ADPRM: variants seen among roughly 807,000 people sequenced by gnomAD.
The protein encoded by ADPRM is ADP-ribose/CDP-alcohol diphosphatase, manganese dependent.
In ADPRM, 17 loss-of-function variants were observed where a neutral mutation model predicts 27.2. The ratio of observed to expected loss-of-function variants is 0.63; its 90% CI spans 0.43 to 0.94. The LOEUF is 0.94. Among genes scored for constraint, ADPRM ranks in the 40% least tolerant of loss-of-function variants. The probability of loss-of-function intolerance (pLI) is 0.00; values close to 1 mark genes in which losing one functional copy is unlikely to be tolerated. For synonymous variants in ADPRM, 135 were observed against 145.3 expected (o/e 0.93, Z 0.51); for missense variants, 337 against 412.8 (o/e 0.82, Z 1.59).
chr17:10,708,158 CG>C (rs1317046754), intron 3 of ADPRM, among the ~76,000 whole-genome samples: 2 of 151,982 alleles, frequency 1.3e-5, no homozygotes, highest in African/African-American at 4.8e-5. Flanking sequence ...TGGCCAAGCA[CG>C]GTGACTCACG....
At chr17:10,704,251 G>A (rs1024873905) in intron 1 of ADPRM, among the ~76,000 whole-genome samples, 1 of 152,166 alleles carries the variant, frequency 6.6e-6, no homozygotes, top group African/African-American at 2.4e-5. Context: ...ACTGCTCACA[G>A]AAATGATAAT....
chr17:10,704,883 T>C (rs554252228), intron 1 of ADPRM, 27 bp from the exon 2 acceptor site: 40 of 1,468,230 alleles, frequency 2.7e-5, no homozygotes, highest in Middle Eastern at 1.8e-4. Context: ...GTTTATAATT[T>C]AGTTATCGTC....
chr17:10,706,302 A>C, intron 2 of ADPRM, 136 bp from the exon 3 acceptor site: 1 of 601,408 alleles, frequency 1.7e-6, no homozygotes, highest in Non-Finnish European at 3.0e-6. Context: ...AATGCTTGTG[A>C]TTTCCTATTT....
rs933258992 is a variant in ADPRM at position 10,697,624 on chromosome 17, A to C, written c.-61A>C. 3.8e-6 allele frequency: 5 copies of C among 1,311,416 alleles called. No homozygotes were observed. Among genetic ancestry groups the C allele is most frequent in the South Asian group, 1.2e-5 (1 of 80,372 alleles). The allele number at this position is 1,311,416 out of a possible 1,614,324, so 81.2% of individuals were successfully genotyped here. On this transcript the variant is annotated 5_prime_UTR_variant, in exon 1 of 4. Coordinates refer to ENST00000379774, the MANE Select transcript of ADPRM (RefSeq NM_020233.5). ...TCCCGCTCGTTGGTGGCGCTGTTAC[A>C]TAGCCCGTAGTCAGAGGCCTTTCAG...
At chr17:10,709,636 T>C (rs2074838098) in intron 3 of ADPRM, among the ~76,000 whole-genome samples, 1 of 151,668 alleles carries the variant, frequency 6.6e-6, no homozygotes, top group Non-Finnish European at 1.5e-5. Flanking sequence ...ACTTGATAGA[T>C]GAGTCAATAT....
At chr17:10,700,766 G>GAAA (rs571890298) in intron 1 of ADPRM, among the ~76,000 whole-genome samples, 1 of 112,298 alleles carries the variant, frequency 8.9e-6, no homozygotes, top group Non-Finnish European at 1.9e-5. Context: ...CCTGTCTCAG[G>GAAA]AAAAAAAAAA....
At position 10,706,493 on chromosome 17, in the gene ADPRM, A is replaced by T. The variant is rs753624827; in HGVS notation, c.657A>T (p.Leu219=). ...QFNGGFSQEQ[L]NWLNEVLTFS... Reference sequence around the variant, plus strand: ...ATGGAGGATTCAGCCAAGAACAGCTAAACTGGTTGAATGAAGTGCTAACAT... The same window carrying T: ...ATGGAGGATTCAGCCAAGAACAGCTTAACTGGTTGAATGAAGTGCTAACAT... Residue 219 remains leucine, a synonymous_variant, in exon 3 of 4, where the codon CTA becomes CTT. Transcript: ENST00000379774. 2 of 1,600,582 alleles carry T rather than the reference A, an allele frequency of 1.2e-6. No individual in the cohort carries two copies. The highest frequency in any genetic ancestry group is 1.7e-6 in the Non-Finnish European group (2 of 1,175,724).
chr17:10,701,416 C>T (rs982576060), intron 1 of ADPRM, among the ~76,000 whole-genome samples: 8 of 151,962 alleles, frequency 5.3e-5, no homozygotes, highest in South Asian at 2.1e-4. Context: ...CTGCAAGCTC[C>T]GCCTCCCAGG....
intron 1 of ADPRM, 162 bp downstream of exon 1, chr17:10,697,829 C>T (rs2074745281): frequency 2.7e-6 from 1 of 374,450 alleles, no homozygotes. Context: ...CCGCTTTGGT[C>T]GTGGGCTTCG....
Position 10,702,361 on chromosome 17 carries a change from G to A in ADPRM, c.-17-2549G>A, listed in dbSNP as rs765360049. ...TTTCTAAACTGAACTTGTTCCAGTG[G>A]AAGGTGTATTTGAGAGGATTTTGGT... On this transcript the variant is annotated intron_variant, in intron 1 of 3. Transcript: ENST00000379774. This position sits in a 1 kb window ranked among gnomAD's most constrained non-coding sequence, Gnocchi z 4.2. Among the ~76,000 whole-genome samples, 35 of 152,298 alleles carry A rather than the reference G, an allele frequency of 2.3e-4. No individual in the cohort carries two copies. The highest frequency in any genetic ancestry group is 6.2e-4 in the South Asian group (3 of 4,824).
At chr17:10,701,242 C>T (rs1369112563) in intron 1 of ADPRM, among the ~76,000 whole-genome samples, 2 of 152,066 alleles carry the variant, frequency 1.3e-5, no homozygotes, top group Admixed American at 6.5e-5. Context: ...CCTTTCTATT[C>T]AAAAGCGAAA....
chr17:10,709,835 G>A (rs1460073907), intron 3 of ADPRM, among the ~76,000 whole-genome samples: 39 of 152,222 alleles, frequency 2.6e-4, no homozygotes, highest in Admixed American at 2.6e-3. Context: ...TGCAACGTGA[G>A]CTGTACTTCA....
chr17:10,705,002 G>T lies in ADPRM; in HGVS notation c.76G>T (p.Val26Phe), dbSNP rs766150924. 6.2e-7 allele frequency: 1 copy of T among 1,614,178 alleles called. No homozygotes were observed. The highest frequency in any genetic ancestry group is 1.3e-5 in the African/African-American group (1 of 75,046). The change falls in exon 2 of 4, where the codon GTT (valine) becomes TTT (phenylalanine). Residue 26 changes from valine (V) to phenylalanine (F), a missense_variant. By Grantham distance (50) the Val-to-Phe change is conservative. Coordinates refer to ENST00000379774, the MANE Select transcript of ADPRM (RefSeq NM_020233.5). This position sits in a 1 kb window ranked among gnomAD's most constrained non-coding sequence, Gnocchi z 5.4. The part of the protein sequence containing the change: ...RLFSFGVIAD[V>F]QFADLEDGFN... The stretch of plus-strand genomic sequence containing the variant: ...TTTCTCCTTTGGCGTCATCGCAGAT[G>T]TTCAATTTGCAGACTTAGAAGATGG...
chr17:10,701,580 T>C lies in ADPRM; in HGVS notation c.-17-3330T>C, dbSNP rs1034250546. 7.4e-4 allele frequency among the ~76,000 whole-genome samples: 113 copies of C among 152,216 alleles called. 1 individual carries two copies. The East Asian group carries it at 0.014, about 19-fold the overall frequency. On this transcript the variant is annotated intron_variant, in intron 1 of 3. Transcript: ENST00000379774. The stretch of plus-strand genomic sequence containing the variant: ...TCCTGACCTCGTGATCCGCCCACCT[T>C]GGCCTCCCAAAGTGCTGGGATTACA...
Position 10,702,302 on chromosome 17 carries a change from TA to T in ADPRM, c.-17-2603del, listed in dbSNP as rs1171959701. Among the ~76,000 whole-genome samples, 1 of 152,232 alleles carries T rather than the reference TA, an allele frequency of 6.6e-6. No individual in the cohort carries two copies. Among genetic ancestry groups the T allele is most frequent in the African/African-American group, 2.4e-5 (1 of 41,466 alleles). On this transcript the variant is annotated intron_variant, in intron 1 of 3. Transcript: ENST00000379774. This position sits in a 1 kb window ranked among gnomAD's most constrained non-coding sequence, Gnocchi z 4.2. ...TGCTTCTCTCCACATTAACTTTCCTTAAAAATTGCCAGTTCTTAGGATAGCC... is the reference window on the plus strand; with the variant it reads ...TGCTTCTCTCCACATTAACTTTCCTTAAAATTGCCAGTTCTTAGGATAGCC...
chr17:10,702,660 CA>C lies in ADPRM; in HGVS notation c.-17-2249del, dbSNP rs2074786775. The stretch of plus-strand genomic sequence containing the variant: ...CCCAGGGCTGATGCTTATTGTGACC[CA>C]GGTTGAGTTACATGCCTACCCCTAA... On this transcript the variant is annotated intron_variant, in intron 1 of 3. Coordinates refer to ENST00000379774, the MANE Select transcript of ADPRM (RefSeq NM_020233.5). This position sits in a 1 kb window ranked among gnomAD's most constrained non-coding sequence, Gnocchi z 4.2. Among the ~76,000 whole-genome samples the C allele has an allele frequency of 6.6e-6, 1 of 152,144 alleles. No homozygotes were observed. Among genetic ancestry groups the C allele is most frequent in the Non-Finnish European group, 1.5e-5 (1 of 68,026 alleles).
chr17:10,705,164 A>G lies in ADPRM; in HGVS notation c.238A>G (p.Asn80Asp), dbSNP rs1488300109. The G allele has an allele frequency of 6.2e-7, 1 of 1,614,132 alleles. No individual in the cohort carries two copies. ...LQLGDIIDGYNAQYNASKKSL... is the reference protein window; with the variant it reads ...LQLGDIIDGYDAQYNASKKSL... ...GCTTGGAGATATCATCGATGGATATAATGCACAGTATAATGCATCCAAAAA... is the reference window on the plus strand; with the variant it reads ...GCTTGGAGATATCATCGATGGATATGATGCACAGTATAATGCATCCAAAAA... Residue 80 changes from asparagine (N) to aspartate (D), a missense_variant, in exon 2 of 4, where the codon AAT becomes GAT. Asn to Asp is a conservative substitution (Grantham distance 23). Coordinates refer to ENST00000379774, the MANE Select transcript of ADPRM (RefSeq NM_020233.5). The surrounding 1 kb of genome is among the most constrained non-coding windows in gnomAD (Gnocchi z 5.4).
At chr17:10,708,824 T>C (rs976472560) in intron 3 of ADPRM, among the ~76,000 whole-genome samples, 1 of 152,202 alleles carries the variant, frequency 6.6e-6, no homozygotes, top group Non-Finnish European at 1.5e-5. Flanking sequence ...AGAGACTGAA[T>C]TGCATAGCAG....
At chr17:10,704,368 G>A (rs1344406502) in intron 1 of ADPRM, among the ~76,000 whole-genome samples, 3 of 150,964 alleles carry the variant, frequency 2.0e-5, no homozygotes, top group African/African-American at 7.3e-5. Flanking sequence ...TATAAAATAT[G>A]AGAAACTGGG....
Sources: allele counts gnomAD v4.1 joint callset (sites outside exome capture counted in the v4.1 genomes callset), GRCh38; gene constraint gnomAD v4.1.1; non-coding constraint Gnocchi (gnomAD v3.1); transcripts MANE v1.5; gene names NCBI Gene and HGNC (gene_info 2026-07-23, HGNC 2026-07-21).